THAP9: variants seen among roughly 807,000 people sequenced by gnomAD.
THAP9 encodes DNA transposase THAP9.
Under a neutral mutation model 35.7 loss-of-function variants are expected in THAP9, and 20 were observed. The ratio of observed to expected loss-of-function variants is 0.56; its 90% CI spans 0.39 to 0.81. The LOEUF (loss-of-function observed/expected upper bound fraction) is 0.81. Ranked by LOEUF, THAP9 falls within the 40% of genes least tolerant of loss-of-function variation. The probability of loss-of-function intolerance (pLI) is 0.00; values close to 1 mark genes in which losing one functional copy is unlikely to be tolerated. For synonymous variants in THAP9, 335 were observed against 373.7 expected (o/e 0.90, Z 1.19); for missense variants, 870 against 1,047.4 (o/e 0.83, Z 2.34).
chr4:82,906,615 G>A lies in THAP9; in HGVS notation c.568G>A (p.Ala190Thr). ...TGAAGAAACAGAGTGTCTGCTACGA[G>A]CTCAATTTTCAGGTACTTCCCCCTA... The part of the protein sequence containing the change: ...LSEETECLLR[A>T]QFSDFKWELY... The change falls in exon 3 of 5, where the codon GCT becomes ACT. Residue 190 changes from alanine to threonine, a missense_variant. Around this residue, in one of 3 missense-constraint regions of THAP9, gnomAD observed 440 missense variants for 501.2 expected, o/e 0.88. Transcript: ENST00000302236. The A allele has an allele frequency of 6.3e-7, 1 of 1,591,130 alleles. No homozygotes were observed. Among genetic ancestry groups the A allele is most frequent in the Non-Finnish European group, 8.6e-7 (1 of 1,168,936 alleles).
At chr4:82,915,465 C>T (rs1434345203) in intron 4 of THAP9, among the ~76,000 whole-genome samples, 3 of 152,046 alleles carry the variant, frequency 2.0e-5, no homozygotes, top group African/African-American at 7.2e-5. Flanking sequence ...CCATGTTGGC[C>T]AGGCTGGTCT....
At chr4:82,902,877 A>G (rs1428450209) in intron 1 of THAP9, among the ~76,000 whole-genome samples, 1 of 152,218 alleles carries the variant, frequency 6.6e-6, no homozygotes, top group Admixed American at 6.6e-5. Context: ...ATACACTCTT[A>G]CTACAGCCCT....
chr4:82,919,287 C>T lies in THAP9; in HGVS notation c.*363C>T, dbSNP rs1721158147. ...CTATGAGTTATCAAAATATTGACTC[C>T]ATTTATGACTAGACTACATTTCTGA... On this transcript the variant is annotated 3_prime_UTR_variant, in exon 5 of 5. Transcript: ENST00000302236. 1 of 160,044 alleles carries T rather than the reference C, an allele frequency of 6.2e-6. No homozygotes were observed. The highest frequency in any genetic ancestry group is 2.4e-5 in the African/African-American group (1 of 41,560). The allele number at this position is 160,044 out of a possible 1,614,324, so 9.9% of individuals were successfully genotyped here.
rs745966248 is a variant in THAP9 at position 82,900,757 on chromosome 4, A to G, written c.-46A>G. ...GGCGGAGCTAAAGTGGTCGTGATTC[A>G]TGCTGTCGCGGGAACCCCGAAGGTG... On this transcript the variant is annotated 5_prime_UTR_variant, in exon 1 of 5. It removes an upstream start codon present in the reference 5' UTR. Coordinates refer to ENST00000302236, the MANE Select transcript of THAP9 (RefSeq NM_024672.6). 3 of 1,602,680 alleles carry G rather than the reference A, an allele frequency of 1.9e-6. No individual in the cohort carries two copies. Among genetic ancestry groups the G allele is most frequent in the East Asian group, 2.2e-5 (1 of 44,826 alleles).
intron 4 of THAP9, among the ~76,000 whole-genome samples, chr4:82,912,916 T>C (rs1578453112): frequency 6.6e-6 from 1 of 152,210 alleles, no homozygotes; most frequent in African/African-American, 2.4e-5. Flanking sequence ...CTTAAGGGCG[T>C]GTAAAAATAT....
intron 3 of THAP9, 149 bp from the exon 4 acceptor site, chr4:82,907,635 TG>T: frequency 1.7e-6 from 1 of 598,454 alleles, no homozygotes; most frequent in Non-Finnish European, 2.8e-6. Context: ...GGGTCCTAAG[TG>T]GATATTAACC....
chr4:82,908,717 A>G (rs1426060105), intron 4 of THAP9, among the ~76,000 whole-genome samples: 4 of 152,000 alleles, frequency 2.6e-5, no homozygotes, highest in Non-Finnish European at 5.9e-5. Context: ...TCAGCCTCCT[A>G]CTGAGTAGCT....
chr4:82,906,603 T>G lies in THAP9; in HGVS notation c.556T>G (p.Cys186Gly). ...GAAACTACTTTCTGAAGAAACAGAG[T>G]GTCTGCTACGAGCTCAATTTTCAGG... ...EEKLLSEETE[C>G]LLRAQFSDFK... Residue 186 changes from cysteine to glycine, a missense_variant, in exon 3 of 5, where the codon TGT (cysteine) becomes GGT (glycine). Around this residue, in one of 3 missense-constraint regions of THAP9, gnomAD observed 440 missense variants for 501.2 expected, o/e 0.88. Transcript: ENST00000302236. 1.2e-6 allele frequency: 2 copies of G among 1,605,306 alleles called. No homozygotes were observed. Among genetic ancestry groups the G allele is most frequent in the Non-Finnish European group, 1.7e-6 (2 of 1,175,576 alleles).
At chr4:82,910,285 T>G (rs1454071397) in intron 4 of THAP9, 1 of 152,176 alleles carries the variant, frequency 6.6e-6, no homozygotes, top group Non-Finnish European at 1.5e-5. Context: ...TAAGGTATAT[T>G]GTTTAGTATG....
At chr4:82,916,864 A>G (rs1025694220) in intron 4 of THAP9, 80 bp from the exon 5 acceptor site, 6 of 1,278,486 alleles carry the variant, frequency 4.7e-6, no homozygotes, top group Non-Finnish European at 6.3e-6. Context: ...ATGGGAGACT[A>G]CTTTAATAGT....
At chr4:82,902,818 G>T (rs1720480239) in intron 1 of THAP9, among the ~76,000 whole-genome samples, 1 of 152,192 alleles carries the variant, frequency 6.6e-6, no homozygotes, top group Non-Finnish European at 1.5e-5. Context: ...TCGAACTTTG[G>T]ATAGTACTTT....
rs2126018607 is a variant in THAP9 at position 82,919,885 on chromosome 4, A to G, written c.*961A>G. The G allele has an allele frequency of 6.6e-6, 1 of 152,336 alleles. No homozygotes were observed. Among genetic ancestry groups the G allele is most frequent in the Middle Eastern group, 3.4e-3 (1 of 294 alleles). The allele number at this position is 152,336 out of a possible 1,614,324, so 9.4% of individuals were successfully genotyped here. ...CACTGAATAAGTGTTCCCAAAGTACAGTTAATCCTAATATGAAAACTTAGA... is the reference window on the plus strand; with the variant it reads ...CACTGAATAAGTGTTCCCAAAGTACGGTTAATCCTAATATGAAAACTTAGA... On this transcript the variant is annotated 3_prime_UTR_variant, in exon 5 of 5. Transcript: ENST00000302236.
Position 82,917,045 on chromosome 4 carries a change from C to A in THAP9, c.833C>A (p.Ser278Ter). The A allele has an allele frequency of 6.2e-7, 1 of 1,611,434 alleles. No individual in the cohort carries two copies. The highest frequency in any genetic ancestry group is 8.5e-7 in the Non-Finnish European group (1 of 1,178,926). The change falls in exon 5 of 5, where the codon TCA becomes TAA. Residue 278 changes from serine (S) to a stop codon, truncating the protein, a stop_gained. Coordinates refer to ENST00000302236, the MANE Select transcript of THAP9 (RefSeq NM_024672.6). LOFTEE classifies it low-confidence loss of function (END_TRUNC). ...ENGDQLYQYC[S>*]LLIKSMPLKQ... ...GGAGATCAGCTCTATCAATACTGTTCATTGTTAATAAAAAGTATGCCTCTC... is the reference window on the plus strand; with the variant it reads ...GGAGATCAGCTCTATCAATACTGTTAATTGTTAATAAAAAGTATGCCTCTC...
Position 82,919,534 on chromosome 4 carries a change from A to C in THAP9, c.*610A>C, listed in dbSNP as rs1721166087. 6.6e-6 allele frequency: 1 copy of C among 152,294 alleles called. No individual in the cohort carries two copies. The highest frequency in any genetic ancestry group is 1.5e-5 in the Non-Finnish European group (1 of 68,098). 9.4% of individuals were successfully genotyped at this position (152,294 alleles called of 1,614,324 possible). A position where few individuals can be genotyped will look rare whatever the true frequency, so the allele number is the denominator to read the frequency against. ...GCCATGAGATTCTTCCTTGTGCTGCAGCCACGCTGGGGAGTGCAATCTGGA... is the reference window on the plus strand; with the variant it reads ...GCCATGAGATTCTTCCTTGTGCTGCCGCCACGCTGGGGAGTGCAATCTGGA... On this transcript the variant is annotated 3_prime_UTR_variant, in exon 5 of 5. Transcript: ENST00000302236.
Position 82,900,931 on chromosome 4 carries a change from G to A in THAP9, c.80+49G>A, listed in dbSNP as rs755191963. Reference sequence around the variant, plus strand: ...GCCTTCGAACTCCCTGCGGGGCCCGGCGGGCCGTGGCGTGGCGTGGGGCGG... The same window carrying A: ...GCCTTCGAACTCCCTGCGGGGCCCGACGGGCCGTGGCGTGGCGTGGGGCGG... On this transcript the variant is annotated intron_variant, in intron 1 of 4. Transcript: ENST00000302236. 1.4e-5 allele frequency: 23 copies of A among 1,604,036 alleles called. No homozygotes were observed. The East Asian group carries it at 5.2e-4, about 36-fold the overall frequency.
intron 1 of THAP9, among the ~76,000 whole-genome samples, chr4:82,901,912 C>T (rs1442284695): frequency 1.3e-5 from 2 of 151,934 alleles, no homozygotes; most frequent in Non-Finnish European, 2.9e-5. Flanking sequence ...GGCTCTGGGT[C>T]TTGGTTTCTT....
rs142429328 is a variant in THAP9 at position 82,917,946 on chromosome 4, G to A, written c.1734G>A (p.Leu578=). 1.4e-4 allele frequency: 231 copies of A among 1,613,920 alleles called. No homozygotes were observed. The highest frequency in any genetic ancestry group is 1.9e-4 in the Non-Finnish European group (227 of 1,179,940). ...AAAAACTAGGATTCCTGGGATTTTT[G>A]CTCAATGCTGAGAGCTTAAAATGGC... ...GKQKLGFLGF[L]LNAESLKWLY... is the part of the protein sequence containing the mutation. Residue 578 remains leucine (L), a synonymous_variant, in exon 5 of 5, where the codon TTG becomes TTA. Transcript: ENST00000302236.
At chr4:82,907,457 G>C (rs1200816023) in intron 3 of THAP9, among the ~76,000 whole-genome samples, 1 of 151,878 alleles carries the variant, frequency 6.6e-6, no homozygotes, top group African/African-American at 2.4e-5. Flanking sequence ...CAGATAAATA[G>C]TAAGCAGGGA....
Position 82,918,955 on chromosome 4 carries a change from A to G in THAP9, c.*31A>G, listed in dbSNP as rs1721146914. Reference sequence around the variant, plus strand: ...CTAAAATATATTAACATTTTAATTAAGAATACTTGATCAACATTTTTTGAA... The same window carrying G: ...CTAAAATATATTAACATTTTAATTAGGAATACTTGATCAACATTTTTTGAA... On this transcript the variant is annotated 3_prime_UTR_variant, in exon 5 of 5. Transcript: ENST00000302236. The G allele has an allele frequency of 6.8e-7, 1 of 1,462,972 alleles. No homozygotes were observed. The highest frequency in any genetic ancestry group is 9.2e-7 in the Non-Finnish European group (1 of 1,086,106). The allele number at this position is 1,462,972 out of a possible 1,614,324, so 90.6% of individuals were successfully genotyped here.
Sources: gnomAD v4.1 joint callset for allele counts (sites outside exome capture counted in the v4.1 genomes callset) on GRCh38, gnomAD v4.1.1 for gene constraint, gnomAD v4.1.1 regional missense constraint, MANE v1.5 for transcripts, NCBI Gene and HGNC (gene_info 2026-07-23, HGNC 2026-07-21) for gene names.